LRRC56: variants seen among roughly 807,000 people sequenced by gnomAD.
LRRC56 encodes leucine rich repeat containing 56.
In LRRC56, 41 loss-of-function variants were observed where a neutral mutation model predicts 47.8. The ratio of observed to expected loss-of-function variants is 0.86; its 90% CI spans 0.67 to 1.11. The LOEUF (loss-of-function observed/expected upper bound fraction) is 1.11, where lower values mean the gene tolerates loss of function less well. Ranked by LOEUF, LRRC56 falls within the 50% of genes most tolerant of loss-of-function variation. The pLI is 0.00. For missense variants in LRRC56, 759 were observed against 704.2 expected (o/e 1.08, Z -0.88); for synonymous variants, 387 against 311.2 (o/e 1.24, Z -2.56).
the LRRC56 span, among the ~76,000 whole-genome samples, chr11:509,452 G>T: frequency 6.6e-6 from 1 of 152,180 alleles, no homozygotes; most frequent in African/African-American, 2.4e-5. Flanking sequence ...AGGTGCCCAG[G>T]TATGTATAGG....
At chr11:536,507 C>A (rs1227697511), upstream of LRRC56, among the ~76,000 whole-genome samples, 1 of 152,248 alleles carries the variant, frequency 6.6e-6, no homozygotes, top group Non-Finnish European at 1.5e-5. Flanking sequence ...CGGTGGCTCA[C>A]GCCTATAATC....
chr11:538,183 C>T (rs993548443), intron 1 of LRRC56, among the ~76,000 whole-genome samples: 1 of 152,188 alleles, frequency 6.6e-6, no homozygotes, highest in Non-Finnish European at 1.5e-5. Context: ...CAACCCCTTG[C>T]ACCCCCAGGC....
rs1423733185 is a variant in LRRC56, at chr11:554,701, G to A, written c.*425G>A. 2 of 446,834 alleles carry A rather than the reference G, an allele frequency of 4.5e-6. No homozygotes were observed. The highest frequency in any genetic ancestry group is 4.0e-6 in the Non-Finnish European group (1 of 250,402). 27.7% of individuals were successfully genotyped at this position (446,834 alleles called of 1,614,324 possible). On this transcript the variant is annotated 3_prime_UTR_variant, in exon 14 of 14. Transcript: ENST00000270115. ...CACCTCCTAGGCCGCAGTGGCCCAA[G>A]GTCCCAGCTGCTCGCCTGAGGCCGC...
intron 8 of LRRC56, among the ~76,000 whole-genome samples, chr11:550,560 C>A (rs932909840): frequency 6.6e-6 from 1 of 152,196 alleles, no homozygotes; most frequent in Admixed American, 6.5e-5. Flanking sequence ...ACACAAAGAA[C>A]CACGTGTACA....
At chr11:547,931 G>T (rs1254613465) in intron 6 of LRRC56, among the ~76,000 whole-genome samples, 1 of 151,954 alleles carries the variant, frequency 6.6e-6, no homozygotes, top group Non-Finnish European at 1.5e-5. Flanking sequence ...TTCAAGACCA[G>T]CCTGGCCAAG....
rs1012967156 is a variant in LRRC56, at chr11:541,005, G to A, written c.177+144G>A. On this transcript the variant is annotated intron_variant, in intron 4 of 13. Coordinates refer to ENST00000270115, the MANE Select transcript of LRRC56 (RefSeq NM_198075.4). The surrounding 1 kb of genome is among the most constrained non-coding windows in gnomAD (Gnocchi z 4.1). ...GATGGTTGGCCTCAGCCCAGCCCCT[G>A]CAGCTGGGTCTGCTCCACCCACTCT... is the stretch of plus-strand genomic sequence containing the variant. 25 of 721,074 alleles carry A rather than the reference G, an allele frequency of 3.5e-5. No homozygotes were observed. Among genetic ancestry groups the A allele is most frequent in the Non-Finnish European group, 4.6e-5 (21 of 452,752 alleles). 44.7% of individuals were successfully genotyped at this position (721,074 alleles called of 1,614,324 possible). A position where few individuals can be genotyped will look rare whatever the true frequency, so the allele number is the denominator to read the frequency against.
chr11:538,770 G>A lies in LRRC56; in HGVS notation c.-249G>A, dbSNP rs1292950573. On this transcript the variant is annotated 5_prime_UTR_variant, in exon 2 of 14. Coordinates refer to ENST00000270115, the MANE Select transcript of LRRC56 (RefSeq NM_198075.4). ...CAAATATTTGAGCATCCCCTCCTGCGACTGTGGACAGCAGAGGAGCACGCA... is the reference window on the plus strand; with the variant it reads ...CAAATATTTGAGCATCCCCTCCTGCAACTGTGGACAGCAGAGGAGCACGCA... 1 of 152,324 alleles carries A rather than the reference G, an allele frequency of 6.6e-6. No individual in the cohort carries two copies. Among genetic ancestry groups the A allele is most frequent in the Admixed American group, 6.5e-5 (1 of 15,290 alleles). The allele number at this position is 152,324 out of a possible 1,614,324, so 9.4% of individuals were successfully genotyped here. A position where few individuals can be genotyped will look rare whatever the true frequency, so the allele number is the denominator to read the frequency against.
intron 13 of LRRC56, among the ~76,000 whole-genome samples, chr11:553,586 G>T (rs533965627): frequency 3.3e-5 from 5 of 152,204 alleles, no homozygotes; most frequent in South Asian, 2.1e-4. Context: ...GTGGAGGCGG[G>T]TGCTGGGGGA....
At chr11:528,475 G>C in the LRRC56 span, 1 of 152,098 alleles carries the variant, frequency 6.6e-6, no homozygotes, top group African/African-American at 2.4e-5. Flanking sequence ...CCAGCAAGGG[G>C]GGACATTCAT....
chr11:524,532 G>C, the LRRC56 span, among the ~76,000 whole-genome samples: 3 of 152,086 alleles, frequency 2.0e-5, no homozygotes, highest in Non-Finnish European at 4.4e-5. Context: ...TCGGGAGGCT[G>C]AGGCAGGAGA....
At chr11:537,124 C>A (rs983681865), upstream of LRRC56, 1 of 152,272 alleles carries the variant, frequency 6.6e-6, no homozygotes, top group African/African-American at 2.4e-5. Context: ...AGGCCTCGGC[C>A]CCAGGGGCGA....
At chr11:548,302 A>G (rs557618127) in intron 6 of LRRC56, among the ~76,000 whole-genome samples, 9 of 152,258 alleles carry the variant, frequency 5.9e-5, no homozygotes, top group African/African-American at 2.2e-4. Flanking sequence ...TTTCTTTGAG[A>G]CAGGGTCTCA....
upstream of LRRC56, chr11:533,948 C>T (rs1589792986): frequency 6.2e-7 from 1 of 1,609,858 alleles, no homozygotes; most frequent in South Asian, 1.1e-5. Context: ...AGGAATCCTG[C>T]AGGAGGACAG....
the LRRC56 span, among the ~76,000 whole-genome samples, chr11:510,567 G>A: frequency 4.0e-5 from 6 of 151,590 alleles, no homozygotes; most frequent in Admixed American, 1.3e-4. Context: ...GAGAAACCCC[G>A]TCTCTACTAA....
At chr11:514,182 C>T in the LRRC56 span, among the ~76,000 whole-genome samples, 1 of 151,578 alleles carries the variant, frequency 6.6e-6, no homozygotes, top group Non-Finnish European at 1.5e-5. Context: ...TTAGTAGAGA[C>T]GGGGTTTCAC....
Position 554,538 on chromosome 11 carries a change from T to G in LRRC56, c.*262T>G. 2.4e-6 allele frequency: 1 copy of G among 413,838 alleles called. No individual in the cohort carries two copies. Among genetic ancestry groups the G allele is most frequent in the Non-Finnish European group, 4.3e-6 (1 of 234,754 alleles). 25.6% of individuals were successfully genotyped at this position (413,838 alleles called of 1,614,324 possible). A position where few individuals can be genotyped will look rare whatever the true frequency, so the allele number is the denominator to read the frequency against. On this transcript the variant is annotated 3_prime_UTR_variant, in exon 14 of 14. Transcript: ENST00000270115. ...CCCAGCCCTTCCTTAGGGCCAGGCT[T>G]TCCCGCGGGCACGGGGGTGGGGGGT...
the LRRC56 span, chr11:532,433 T>C: frequency 2.9e-6 from 2 of 698,362 alleles, no homozygotes; most frequent in Non-Finnish European, 4.7e-6. Flanking sequence ...CCAGCAGCCC[T>C]TCCTTCCTTC....
Position 540,649 on chromosome 11 carries a change from C to CCTG in LRRC56, c.-11-25_-11-24insCTG, listed in dbSNP as rs776148324. The CCTG allele has an allele frequency of 4.6e-4, 736 of 1,603,912 alleles. 3 individuals carry two copies. Among genetic ancestry groups the CCTG allele is most frequent in the Non-Finnish European group, 8.4e-5 (99 of 1,174,278 alleles). ...GAGGAGGAGGAGCAACAGCGTGGAG[C>CCTG]TTTGCACTGTGCCTCTGTCAGCAGG... On this transcript the variant is annotated intron_variant, in intron 3 of 13. Transcript: ENST00000270115.
Position 551,220 on chromosome 11 carries a change from C to G in LRRC56, c.714C>G (p.Gly238=). ...VLDEVPAAHT[G]PPAPPRLSQD... ...ACGAAGTGCCGGCCGCACACACAGGCCCACCGGCCCCCCCGCGGCTGAGCC... is the reference window on the plus strand; with the variant it reads ...ACGAAGTGCCGGCCGCACACACAGGGCCACCGGCCCCCCCGCGGCTGAGCC... The change falls in exon 9 of 14, where the codon GGC becomes GGG. Residue 238 remains glycine, a synonymous_variant. Coordinates refer to ENST00000270115, the MANE Select transcript of LRRC56 (RefSeq NM_198075.4). 1 of 1,547,366 alleles carries G rather than the reference C, an allele frequency of 6.5e-7. No homozygotes were observed. The highest frequency in any genetic ancestry group is 8.7e-7 in the Non-Finnish European group (1 of 1,145,082).
Sources: gnomAD v4.1 joint callset for allele counts (sites outside exome capture counted in the v4.1 genomes callset) on GRCh38, gnomAD v4.1.1 for gene constraint, Gnocchi (gnomAD v3.1) non-coding constraint, MANE v1.5 for transcripts, NCBI Gene and HGNC (gene_info 2026-07-23, HGNC 2026-07-21) for gene names.